SRGAP3: variants seen among roughly 807,000 people sequenced by gnomAD.
The protein encoded by SRGAP3 is SLIT-ROBO Rho GTPase activating protein 3.
In SRGAP3, 39 loss-of-function variants were observed where a neutral mutation model predicts 121.1. That is an observed-to-expected ratio of 0.32 (90% CI 0.25 to 0.42). The LOEUF (loss-of-function observed/expected upper bound fraction) is 0.42, where lower values mean the gene tolerates loss of function less well. SRGAP3 is among the 10% of genes least tolerant of loss of function. The probability of loss-of-function intolerance (pLI) is 1.00; values close to 1 mark genes in which losing one functional copy is unlikely to be tolerated. For missense variants in SRGAP3, 1,213 were observed against 1,470.6 expected (o/e 0.82, Z 2.86); for synonymous variants, 601 against 570.0 (o/e 1.05, Z -0.77).
intron 1 of SRGAP3, among the ~76,000 whole-genome samples, chr3:9,153,215 T>C (rs1261195698): frequency 6.6e-6 from 1 of 152,210 alleles, no homozygotes; most frequent in Non-Finnish European, 1.5e-5. Context: ...ACTCCTTCTT[T>C]TGCATTTCCC....
intron 1 of SRGAP3, among the ~76,000 whole-genome samples, chr3:9,248,172 G>A (rs934081634): frequency 2.0e-5 from 3 of 152,240 alleles, no homozygotes; most frequent in Non-Finnish European, 4.4e-5. Context: ...ACGGCATGCC[G>A]AGGTGTTGGC....
At chr3:9,184,169 T>C in intron 1 of SRGAP3, among the ~76,000 whole-genome samples, 1 of 152,060 alleles carries the variant, frequency 6.6e-6, no homozygotes, top group East Asian at 1.9e-4. Flanking sequence ...CTTCCTCCCA[T>C]TTCAATCAAT....
rs1000274703 is a variant in SRGAP3 at position 9,132,182 on chromosome 3, T to C, written c.68-7265A>G. ...GAGTTCCCATATATCCCCTCTCCAC[T>C]GCACAGTTTCTCCGATTATTAACAT... On this transcript the variant is annotated intron_variant, in intron 1 of 21. Coordinates refer to ENST00000383836, the MANE Select transcript of SRGAP3 (RefSeq NM_014850.4). 2.6e-5 allele frequency among the ~76,000 whole-genome samples: 4 copies of C among 152,212 alleles called. No homozygotes were observed. The East Asian group carries it at 7.7e-4, about 29-fold the overall frequency.
chr3:9,282,589 C>G (rs1053942771), intron 3 of SRGAP3, among the ~76,000 whole-genome samples: 4 of 152,026 alleles, frequency 2.6e-5, no homozygotes, highest in Admixed American at 2.0e-4. Context: ...CTCCCAGGTT[C>G]AAGCGATTCT....
At position 8,985,826 on chromosome 3, in the gene SRGAP3, A is replaced by C; in HGVS notation, c.2993T>G (p.Leu998Arg). ...PDVVLDTLEPLKNPPGPVSSE... is the reference protein window; with the variant it reads ...PDVVLDTLEPRKNPPGPVSSE... ...GCTGACGGGGCCTGGCGGGTTCTTC[A>C]GGGGCTCCAGGGTGTCCAGCACCAC... The change falls in exon 22 of 22, where the codon CTG becomes CGG. Residue 998 changes from leucine (L) to arginine (R), a missense_variant. Leu to Arg is a moderately radical substitution (Grantham distance 102). Transcript: ENST00000383836. The surrounding 1 kb of genome is among the most constrained non-coding windows in gnomAD (Gnocchi z 5.1). 3.7e-6 allele frequency: 6 copies of C among 1,600,320 alleles called. No individual in the cohort carries two copies. The highest frequency in any genetic ancestry group is 5.1e-6 in the Non-Finnish European group (6 of 1,179,864).
At chr3:9,334,135 T>C (rs1559281513) in intron 1 of SRGAP3, among the ~76,000 whole-genome samples, 1 of 152,110 alleles carries the variant, frequency 6.6e-6, no homozygotes, top group African/African-American at 2.4e-5. Flanking sequence ...AACTAGAATG[T>C]GTGTGTGAAT....
intron 1 of SRGAP3, among the ~76,000 whole-genome samples, chr3:9,140,552 C>CA (rs1391771932): frequency 6.6e-6 from 1 of 152,180 alleles, no homozygotes; most frequent in African/African-American, 2.4e-5. Context: ...GCTTAGCAGA[C>CA]TTTTTCCACA....
At chr3:9,062,839 A>G (rs1285828347) in intron 5 of SRGAP3, among the ~76,000 whole-genome samples, 1 of 152,220 alleles carries the variant, frequency 6.6e-6, no homozygotes, top group Non-Finnish European at 1.5e-5. Context: ...TTCATGTACA[A>G]GTCTTTGAAT....
At chr3:9,199,111 C>T (rs1043992209) in intron 1 of SRGAP3, among the ~76,000 whole-genome samples, 2 of 152,202 alleles carry the variant, frequency 1.3e-5, no homozygotes, top group Non-Finnish European at 2.9e-5. Context: ...CCCAGCACCT[C>T]TCAGCTGCTA....
At chr3:9,002,457 A>C (rs564529288) in intron 18 of SRGAP3, among the ~76,000 whole-genome samples, 21 of 152,340 alleles carry the variant, frequency 1.4e-4, no homozygotes, top group African/African-American at 5.1e-4. Context: ...AAGGAAATGT[A>C]TGACTGTAAA....
chr3:9,110,294 T>A (rs1251934501), intron 2 of SRGAP3, among the ~76,000 whole-genome samples: 1 of 135,324 alleles, frequency 7.4e-6, no homozygotes, highest in African/African-American at 2.7e-5. Flanking sequence ...AGGTCAAGGG[T>A]GGGGCGGGGA....
intron 3 of SRGAP3, among the ~76,000 whole-genome samples, chr3:9,264,634 G>T (rs944000669): frequency 2.0e-5 from 3 of 152,078 alleles, no homozygotes; most frequent in African/African-American, 4.8e-5. Context: ...GCTACAAAGG[G>T]AATAAAATAC....
intron 1 of SRGAP3, among the ~76,000 whole-genome samples, chr3:9,354,362 C>T (rs2030368684): frequency 6.6e-6 from 1 of 152,220 alleles, no homozygotes; most frequent in Non-Finnish European, 1.5e-5. Flanking sequence ...TGACTTTCTA[C>T]CCAGGACCTT....
chr3:9,216,592 C>G (rs1399079552), intron 1 of SRGAP3: 2 of 152,682 alleles, frequency 1.3e-5, no homozygotes, highest in Non-Finnish European at 2.9e-5. Context: ...TGGACTGTTG[C>G]AGTTACGCAC....
rs977970742 is a variant in SRGAP3, at chr3:9,249,293, G to A, written c.-342C>T. The A allele has an allele frequency of 2.3e-4, 105 of 451,254 alleles. No homozygotes were observed. Among genetic ancestry groups the A allele is most frequent in the South Asian group, 1.3e-4 (6 of 46,550 alleles). 28.0% of individuals were successfully genotyped at this position (451,254 alleles called of 1,614,324 possible). Reference sequence around the variant, plus strand: ...TAACCAAGCGCACTCACACACACATGCACACGTACACACACTCACGCATGC... The same window carrying A: ...TAACCAAGCGCACTCACACACACATACACACGTACACACACTCACGCATGC... On this transcript the variant is annotated 5_prime_UTR_variant, in exon 1 of 22. Coordinates refer to ENST00000383836, the MANE Select transcript of SRGAP3 (RefSeq NM_014850.4).
intron 1 of SRGAP3, chr3:9,217,841 C>A (rs1952684442): frequency 6.6e-6 from 1 of 151,960 alleles, no homozygotes; most frequent in Non-Finnish European, 1.5e-5. Context: ...CATATGTCAC[C>A]CCTGCAGGCC....
rs1185757679 is a variant in SRGAP3, at chr3:9,058,361, C to T, written c.913G>A (p.Ala305Thr). ...CTTCGGGAATCCAGGTTGTCCACTG[C>T]ATTCTCAATGACATCCAGCCCTTCG... is the stretch of plus-strand genomic sequence containing the variant. ...RHEGLDVIEN[A>T]VDNLDSRSDK... The change falls in exon 7 of 22, where the codon GCA becomes ACA. Residue 305 changes from alanine (A) to threonine (T), a missense_variant. Physicochemically the swap from Ala to Thr is moderately conservative, Grantham distance 58. Transcript: ENST00000383836. 1.2e-6 allele frequency: 2 copies of T among 1,614,250 alleles called. No individual in the cohort carries two copies. The highest frequency in any genetic ancestry group is 1.1e-5 in the South Asian group (1 of 91,090).
rs143804609 is a variant in SRGAP3 at position 9,044,930 on chromosome 3, T to C, written c.1408+2461A>G. 1.7e-3 allele frequency among the ~76,000 whole-genome samples: 264 copies of C among 152,324 alleles called. 2 individuals are homozygous for C. Among genetic ancestry groups the C allele is most frequent in the African/African-American group, 6.0e-3 (250 of 41,572 alleles). ...ACCCAGTGCCCTAAGAATCTACCTG[T>C]ATCTTTATCGTGTAGTGGCTATATA... On this transcript the variant is annotated intron_variant, in intron 10 of 21. Coordinates refer to ENST00000383836, the MANE Select transcript of SRGAP3 (RefSeq NM_014850.4).
chr3:9,303,631 T>A (rs1288938034), intron 3 of SRGAP3, among the ~76,000 whole-genome samples: 1 of 152,226 alleles, frequency 6.6e-6, no homozygotes, highest in Non-Finnish European at 1.5e-5. Flanking sequence ...CTAAGCATTT[T>A]ATTTATATTA....
Sources: gnomAD v4.1 joint callset for allele counts (sites outside exome capture counted in the v4.1 genomes callset) on GRCh38, gnomAD v4.1.1 for gene constraint, Gnocchi (gnomAD v3.1) non-coding constraint, MANE v1.5 for transcripts, NCBI Gene and HGNC (gene_info 2026-07-23, HGNC 2026-07-21) for gene names.